The following GRID2 variants were observed in gnomAD, a reference collection of about 807,000 sequenced individuals.
The protein encoded by GRID2 is glutamate receptor ionotropic, delta-2.
A neutral mutation model predicts 114.8 loss-of-function variants in GRID2; 33 were observed. The ratio of observed to expected loss-of-function variants is 0.29; its 90% CI spans 0.22 to 0.38. GRID2 has a LOEUF of 0.38. Among genes scored for constraint, GRID2 ranks in the 10% least tolerant of loss-of-function variants. GRID2 has a pLI of 1.00. For synonymous variants in GRID2, 505 were observed against 449.9 expected (o/e 1.12, Z -1.55); for missense variants, 1,184 against 1,257.7 (o/e 0.94, Z 0.89).
At chr4:93,463,747 T>G (rs958693723) in intron 11 of GRID2, among the ~76,000 whole-genome samples, 18 of 152,024 alleles carry the variant, frequency 1.2e-4, no homozygotes, top group Admixed American at 4.6e-4. Flanking sequence ...CCCAGCATTT[T>G]GGGAGGCCAA....
rs1215739305 is a variant in GRID2 at position 92,678,331 on chromosome 4, CTGTT to C, written c.244+88048_244+88051del. Among the ~76,000 whole-genome samples, 6 of 152,216 alleles carry C rather than the reference CTGTT, an allele frequency of 3.9e-5. No homozygotes were observed. In the South Asian group the frequency reaches 6.2e-4, roughly 16 times the overall value. On this transcript the variant is annotated intron_variant, in intron 2 of 15. Transcript: ENST00000282020. ...ATTCGATAAGGGCAGGATTTTTTCT[CTGTT>C]TGATGTCTAAAACAATTCATAGCAT...
At chr4:93,458,348 C>T (rs1166132521) in intron 11 of GRID2, among the ~76,000 whole-genome samples, 1 of 152,054 alleles carries the variant, frequency 6.6e-6, no homozygotes, top group Non-Finnish European at 1.5e-5. Flanking sequence ...ATTCAGAGGC[C>T]AGAGGCTAAA....
intron 1 of GRID2, among the ~76,000 whole-genome samples, chr4:92,363,734 G>T (rs986419121): frequency 1.3e-5 from 2 of 151,460 alleles, no homozygotes; most frequent in Admixed American, 6.6e-5. Flanking sequence ...AGTGTTCATT[G>T]GTTGTGATAT....
At chr4:92,907,991 C>T (rs1050571280) in intron 2 of GRID2, among the ~76,000 whole-genome samples, 1 of 151,988 alleles carries the variant, frequency 6.6e-6, no homozygotes, top group Non-Finnish European at 1.5e-5. Context: ...GCACTGTACT[C>T]CAGCCTGGGC....
chr4:92,922,425 C>T (rs1749439149), intron 2 of GRID2, among the ~76,000 whole-genome samples: 1 of 152,102 alleles, frequency 6.6e-6, no homozygotes, highest in Middle Eastern at 3.2e-3. Context: ...AATCACCCAT[C>T]CTCTGTGTCG....
chr4:92,791,462 T>C lies in GRID2; in HGVS notation c.244+201176T>C, dbSNP rs1205190202. 3.3e-5 allele frequency among the ~76,000 whole-genome samples: 5 copies of C among 151,998 alleles called. No individual in the cohort carries two copies. In the East Asian group the frequency reaches 9.8e-4, roughly 30 times the overall value. On this transcript the variant is annotated intron_variant, in intron 2 of 15. Coordinates refer to ENST00000282020, the MANE Select transcript of GRID2 (RefSeq NM_001510.4). ...TCAGATATAATTTTTATGATTAGTT[T>C]TACTTAAGAATTGTCATCTAAATTT...
At chr4:92,381,507 T>C (rs1197708305) in intron 1 of GRID2, among the ~76,000 whole-genome samples, 1 of 64,986 alleles carries the variant, frequency 1.5e-5, no homozygotes. Context: ...AAAAGAAGTG[T>C]TTTTTTTTTT....
chr4:92,337,848 G>A (rs763827684), intron 1 of GRID2, among the ~76,000 whole-genome samples: 1 of 152,086 alleles, frequency 6.6e-6, no homozygotes, highest in Non-Finnish European at 1.5e-5. Context: ...AGATTCCAAC[G>A]AGGTATCTGG....
intron 13 of GRID2, among the ~76,000 whole-genome samples, chr4:93,549,003 A>G (rs553425359): frequency 6.6e-6 from 1 of 152,234 alleles, no homozygotes; most frequent in Non-Finnish European, 1.5e-5. Flanking sequence ...GTTAATATAA[A>G]TATGAAATGC....
At chr4:93,594,071 C>T (rs545241855) in intron 13 of GRID2, among the ~76,000 whole-genome samples, 5 of 152,326 alleles carry the variant, frequency 3.3e-5, no homozygotes, top group African/African-American at 7.2e-5. Context: ...AGTCGTTCTC[C>T]GTCCAGCTTT....
chr4:93,654,645 T>C (rs1722853613), intron 14 of GRID2, among the ~76,000 whole-genome samples: 1 of 152,096 alleles, frequency 6.6e-6, no homozygotes, highest in Non-Finnish European at 1.5e-5. Flanking sequence ...AAAAATAGAA[T>C]AAATGCATAT....
intron 2 of GRID2, among the ~76,000 whole-genome samples, chr4:92,787,332 T>G (rs533271768): frequency 6.6e-6 from 1 of 151,972 alleles, no homozygotes; most frequent in Admixed American, 6.6e-5. Context: ...AAAATAATAG[T>G]GAGCAGGTGT....
chr4:93,333,606 A>G (rs942660235), intron 8 of GRID2, among the ~76,000 whole-genome samples: 2 of 152,206 alleles, frequency 1.3e-5, no homozygotes, highest in Non-Finnish European at 2.9e-5. Context: ...CAATACTTAA[A>G]TATCCACTGG....
At chr4:93,249,226 T>C (rs934163440) in intron 8 of GRID2, among the ~76,000 whole-genome samples, 12 of 152,296 alleles carry the variant, frequency 7.9e-5, no homozygotes, top group African/African-American at 2.6e-4. Flanking sequence ...GTTCAATTGG[T>C]CTATATGTCT....
chr4:92,768,044 A>G (rs985677861), intron 2 of GRID2, among the ~76,000 whole-genome samples: 27 of 152,198 alleles, frequency 1.8e-4, no homozygotes, highest in African/African-American at 5.8e-4. Flanking sequence ...CATAAAATTA[A>G]ATATTTTCAT....
At chr4:93,492,426 A>G (rs1197311645) in intron 12 of GRID2, among the ~76,000 whole-genome samples, 1 of 151,862 alleles carries the variant, frequency 6.6e-6, no homozygotes, top group Non-Finnish European at 1.5e-5. Context: ...CCTACATTCT[A>G]ACTGCATCAT....
At chr4:93,719,197 G>T (rs1729151240) in intron 14 of GRID2, among the ~76,000 whole-genome samples, 1 of 151,828 alleles carries the variant, frequency 6.6e-6, no homozygotes, top group African/African-American at 2.4e-5. Context: ...AAACACTTAA[G>T]ATTTATTTTC....
chr4:92,867,131 TA>T (rs1257952526), intron 2 of GRID2, among the ~76,000 whole-genome samples: 1 of 152,214 alleles, frequency 6.6e-6, no homozygotes, highest in Non-Finnish European at 1.5e-5. Flanking sequence ...ATACATCATG[TA>T]AATGATTCCA....
At chr4:92,771,265 C>T (rs558321924) in intron 2 of GRID2, among the ~76,000 whole-genome samples, 219 of 152,262 alleles carry the variant, frequency 1.4e-3, no homozygotes, top group Non-Finnish European at 2.6e-3. Context: ...CTTCTCTCAT[C>T]GTCACAGACA....
Sources: allele counts gnomAD v4.1 joint callset (sites outside exome capture counted in the v4.1 genomes callset), GRCh38; gene constraint gnomAD v4.1.1; transcripts MANE v1.5; gene names NCBI Gene and HGNC (gene_info 2026-07-23, HGNC 2026-07-21).